ARFGAP1: variants seen among roughly 807,000 people sequenced by gnomAD.
ARFGAP1 encodes ARF GTPase activating protein 1.
In ARFGAP1, 26 loss-of-function variants were observed where a neutral mutation model predicts 54.0. The observed-to-expected ratio is 0.48, with a 90% CI of 0.35 to 0.67. ARFGAP1 has a LOEUF of 0.67. Among genes scored for constraint, ARFGAP1 ranks in the 30% least tolerant of loss-of-function variants. The pLI, the probability that ARFGAP1 is intolerant of heterozygous loss-of-function variation, is 0.00. For missense variants in ARFGAP1, 525 were observed against 535.8 expected (o/e 0.98, Z 0.20); for synonymous variants, 248 against 211.9 (o/e 1.17, Z -1.48).
chr20:63,278,344 G>A (rs2067286362), intron 6 of ARFGAP1, 141 bp downstream of exon 6: 2 of 784,674 alleles, frequency 2.5e-6, no homozygotes. Flanking sequence ...TCTGATTGCA[G>A]TGAGTCCCAG....
intron 9 of ARFGAP1, 179 bp from the exon 10 acceptor site, chr20:63,284,687 C>T (rs2067478570): frequency 4.9e-6 from 7 of 1,442,586 alleles, no homozygotes; most frequent in South Asian, 1.4e-5. Context: ...GAGGTGGCGG[C>T]CTACTGCCCT....
At chr20:63,281,678 C>T (rs1007921230) in intron 8 of ARFGAP1, among the ~76,000 whole-genome samples, 1 of 152,210 alleles carries the variant, frequency 6.6e-6, no homozygotes, top group African/African-American at 2.4e-5. Context: ...GTCTCCGGCA[C>T]CCTGTGCCCT....
intron 7 of ARFGAP1, among the ~76,000 whole-genome samples, chr20:63,279,700 C>T: frequency 6.6e-6 from 1 of 152,212 alleles, no homozygotes; most frequent in African/African-American, 2.4e-5. Flanking sequence ...CCTGAGGTCA[C>T]TCAGGGCCAT....
rs2067616087 is a variant in ARFGAP1 at position 63,288,168 on chromosome 20, G to A, written c.*295G>A. Reference sequence around the variant, plus strand: ...TGCGTGGCTTGCTGGGAGGTGGGCTGCAGCACAGAGGCCTGTGACTGCGTT... The same window carrying A: ...TGCGTGGCTTGCTGGGAGGTGGGCTACAGCACAGAGGCCTGTGACTGCGTT... On this transcript the variant is annotated 3_prime_UTR_variant, in exon 13 of 13. Transcript: ENST00000370283. 19 of 586,146 alleles carry A rather than the reference G, an allele frequency of 3.2e-5. No individual in the cohort carries two copies. Among genetic ancestry groups the A allele is most frequent in the South Asian group, 1.1e-4 (6 of 56,228 alleles). The allele number at this position is 586,146 out of a possible 1,614,324, so 36.3% of individuals were successfully genotyped here. A position where few individuals can be genotyped will look rare whatever the true frequency, so the allele number is the denominator to read the frequency against.
intron 7 of ARFGAP1, among the ~76,000 whole-genome samples, chr20:63,280,955 T>C (rs2067364634): frequency 6.6e-6 from 1 of 152,180 alleles, no homozygotes; most frequent in East Asian, 1.9e-4. Context: ...TGCCTGTTCC[T>C]CTAGGGAGGC....
At chr20:63,274,388 T>C (rs372082605) in intron 1 of ARFGAP1, among the ~76,000 whole-genome samples, 4 of 133,596 alleles carry the variant, frequency 3.0e-5, no homozygotes, top group African/African-American at 1.1e-4. Flanking sequence ...AAGACAGAGG[T>C]TTTTGTTTTT....
chr20:63,289,615 C>T lies in ARFGAP1; in HGVS notation c.*1742C>T, dbSNP rs2067658951. 6.6e-6 allele frequency: 1 copy of T among 152,270 alleles called. No homozygotes were observed. The highest frequency in any genetic ancestry group is 1.5e-5 in the Non-Finnish European group (1 of 68,082). 9.4% of individuals were successfully genotyped at this position (152,270 alleles called of 1,614,324 possible). A position where few individuals can be genotyped will look rare whatever the true frequency, so the allele number is the denominator to read the frequency against. ...AGCGTGGAGGTGTCTGGGCCACCTT[C>T]AGAAGGTGGATGTGGTGGCCGAGAC... On this transcript the variant is annotated 3_prime_UTR_variant, in exon 13 of 13. Transcript: ENST00000370283.
At chr20:63,284,792 G>T (rs1244585906) in intron 9 of ARFGAP1, 74 bp from the exon 10 acceptor site, 1 of 1,590,812 alleles carries the variant, frequency 6.3e-7, no homozygotes, top group Non-Finnish European at 8.5e-7. Flanking sequence ...CCCTTTGCTG[G>T]CCTGTGCTGC....
rs756408359 is a variant in ARFGAP1, at chr20:63,276,441, C to T, written c.171-39C>T. On this transcript the variant is annotated intron_variant, in intron 3 of 12. Transcript: ENST00000370283. The surrounding 1 kb of genome is among the most constrained non-coding windows in gnomAD (Gnocchi z 5.2). ...TGGGTGGAGGGTGTCCCTGGGTGTC[C>T]CCGGTGCTGGTTGATCTGCTCGATC... 6.3e-7 allele frequency: 1 copy of T among 1,585,856 alleles called. No individual in the cohort carries two copies. The highest frequency in any genetic ancestry group is 1.3e-5 in the African/African-American group (1 of 74,658).
At chr20:63,284,515 C>T in intron 9 of ARFGAP1, 4 of 1,160,372 alleles carry the variant, frequency 3.4e-6, no homozygotes, top group Non-Finnish European at 4.3e-6. Context: ...CGTTGCAGGT[C>T]AGCATGGGGT....
At chr20:63,284,302 C>A (rs1224978750) in intron 9 of ARFGAP1, 14 of 1,080,670 alleles carry the variant, frequency 1.3e-5, no homozygotes, top group Non-Finnish European at 1.6e-5. Context: ...CCCTTTCCGG[C>A]CTTTGATCCG....
At position 63,285,582 on chromosome 20, in the gene ARFGAP1, T is replaced by C. The variant is rs532507024; in HGVS notation, c.775-72T>C. 2.5e-3 allele frequency: 3,814 copies of C among 1,519,864 alleles called. 9 individuals are homozygous for C. Among genetic ancestry groups the C allele is most frequent in the Non-Finnish European group, 3.1e-3 (3,441 of 1,095,798 alleles). 94.1% of individuals were successfully genotyped at this position (1,519,864 alleles called of 1,614,324 possible). ...ATTTCGGATGCCCTCACCCGGGGGA[T>C]TCCTGCACTCCTGAAGCTTTAAGCT... On this transcript the variant is annotated intron_variant, in intron 10 of 12. Transcript: ENST00000370283.
At chr20:63,283,842 C>T (rs369695971) in intron 9 of ARFGAP1, 343 of 1,613,560 alleles carry the variant, frequency 2.1e-4, no homozygotes, top group Non-Finnish European at 2.8e-4. Flanking sequence ...TTCTTGCTGT[C>T]GGGTAAAGTT....
rs779696616 is a variant in ARFGAP1, at chr20:63,283,810, C to T, written c.717+959C>T. On this transcript the variant is annotated intron_variant, in intron 9 of 12. Coordinates refer to ENST00000370283, the MANE Select transcript of ARFGAP1 (RefSeq NM_018209.4). Reference sequence around the variant, plus strand: ...TGCTGGTTACTAATGCCGCCCCTCACCTTGCTCTCTCCTCACCTGTCTTCT... The same window carrying T: ...TGCTGGTTACTAATGCCGCCCCTCATCTTGCTCTCTCCTCACCTGTCTTCT... 21 of 1,611,788 alleles carry T rather than the reference C, an allele frequency of 1.3e-5. No individual in the cohort carries two copies. The East Asian group carries it at 3.6e-4, about 27-fold the overall frequency.
chr20:63,273,844 T>A (rs2067164380), intron 1 of ARFGAP1, among the ~76,000 whole-genome samples: 1 of 152,200 alleles, frequency 6.6e-6, no homozygotes, highest in African/African-American at 2.4e-5. Flanking sequence ...TCACCTCCTC[T>A]CCGTGGGCCG....
intron 5 of ARFGAP1, 84 bp from the exon 6 acceptor site, chr20:63,278,033 G>A (rs988293758): frequency 7.7e-7 from 1 of 1,304,370 alleles, no homozygotes; most frequent in Non-Finnish European, 1.1e-6. Flanking sequence ...GCCCACGTAG[G>A]CCACATGGTT....
chr20:63,287,541 T>G (rs1159647860), intron 12 of ARFGAP1, 23 bp from the exon 13 acceptor site: 16 of 1,550,212 alleles, frequency 1.0e-5, no homozygotes, highest in Admixed American at 5.7e-5. Context: ...TCATTTAGAG[T>G]CCCCCTTCTG....
chr20:63,287,695 G>A lies in ARFGAP1; in HGVS notation c.1043G>A (p.Ser348Asn). ...ACCCGCAAGTCCCCGAGCAGCGACA[G>A]CTGGACGTGCGCGGACACCTCCACC... Reference protein sequence around the residue: ...TKTRKSPSSDSWTCADTSTER... With the variant: ...TKTRKSPSSDNWTCADTSTER... The change falls in exon 13 of 13, where the codon AGC (serine) becomes AAC (asparagine). Residue 348 changes from serine (S) to asparagine (N), a missense_variant. Coordinates refer to ENST00000370283, the MANE Select transcript of ARFGAP1 (RefSeq NM_018209.4). The A allele has an allele frequency of 1.2e-6, 2 of 1,612,396 alleles. No homozygotes were observed. Among genetic ancestry groups the A allele is most frequent in the Non-Finnish European group, 1.7e-6 (2 of 1,179,850 alleles).
chr20:63,283,020 G>T (rs942266110), intron 9 of ARFGAP1, 169 bp downstream of exon 9: 4 of 721,602 alleles, frequency 5.5e-6, no homozygotes, highest in Admixed American at 2.5e-5. Context: ...CCCTCCTCAT[G>T]CCCGGGTGGC....
Sources: allele counts gnomAD v4.1 joint callset (sites outside exome capture counted in the v4.1 genomes callset), GRCh38; gene constraint gnomAD v4.1.1; non-coding constraint Gnocchi (gnomAD v3.1); transcripts MANE v1.5; gene names NCBI Gene and HGNC (gene_info 2026-07-23, HGNC 2026-07-21).